The following SNTG1 variants were observed in gnomAD, a reference collection of about 807,000 sequenced individuals.
SNTG1 encodes the protein syntrophin gamma 1, also known as gamma-1-syntrophin.
Under a neutral mutation model 74.7 loss-of-function variants are expected in SNTG1, and 39 were observed. The observed-to-expected ratio is 0.52, with a 90% CI of 0.40 to 0.68. SNTG1 has a LOEUF of 0.68. SNTG1 is among the 30% of genes least tolerant of loss of function. The pLI is 0.00. For missense variants in SNTG1, 685 were observed against 609.5 expected, an observed-to-expected ratio of 1.12 and a Z score of -1.30; for synonymous variants, 254 against 217.1, an observed-to-expected ratio of 1.17 and a Z score of -1.49.
intron 2 of SNTG1, among the ~76,000 whole-genome samples, chr8:50,326,505 A>T (rs2130849038): frequency 6.6e-6 from 1 of 151,906 alleles, no homozygotes; most frequent in African/African-American, 2.4e-5. Flanking sequence ...ATTTTTTGTT[A>T]TTCCTTTAAT....
intron 17 of SNTG1, among the ~76,000 whole-genome samples, chr8:50,719,896 A>G (rs1315882133): frequency 6.6e-6 from 1 of 152,216 alleles, no homozygotes; most frequent in African/African-American, 2.4e-5. Context: ...ATAAATTCTC[A>G]AAGTGAAGAC....
At chr8:50,708,171 A>T in intron 16 of SNTG1, 1 of 183,648 alleles carries the variant, frequency 5.4e-6, no homozygotes, top group Admixed American at 6.1e-5. Context: ...ACTACGCTCT[A>T]GCCTGGGCAA....
intron 2 of SNTG1, among the ~76,000 whole-genome samples, chr8:50,333,077 C>G (rs2091022037): frequency 6.6e-6 from 1 of 152,196 alleles, no homozygotes; most frequent in Non-Finnish European, 1.5e-5. Flanking sequence ...AAATAAAAAA[C>G]TTTTAAAAAG....
At chr8:49,930,848 T>G (rs899555412) in intron 1 of SNTG1, among the ~76,000 whole-genome samples, 1 of 152,140 alleles carries the variant, frequency 6.6e-6, no homozygotes, top group Non-Finnish European at 1.5e-5. Flanking sequence ...GAAAAAATGC[T>G]GCATGAAATA....
chr8:50,377,395 G>A (rs1338896296), intron 2 of SNTG1, among the ~76,000 whole-genome samples: 4 of 152,034 alleles, frequency 2.6e-5, no homozygotes, highest in African/African-American at 4.8e-5. Context: ...TGAAGGAGGA[G>A]AACAATTTTG....
chr8:50,669,746 A>G (rs1481697195), intron 15 of SNTG1, among the ~76,000 whole-genome samples: 4 of 152,200 alleles, frequency 2.6e-5, no homozygotes, highest in Non-Finnish European at 4.4e-5. Flanking sequence ...CAAAAAAGAG[A>G]ATTTTAGACT....
chr8:50,151,936 C>A (rs939862121), intron 1 of SNTG1, among the ~76,000 whole-genome samples: 1 of 152,102 alleles, frequency 6.6e-6, no homozygotes, highest in Non-Finnish European at 1.5e-5. Context: ...CAGCTTGGTG[C>A]CGAGCTGAGT....
At chr8:50,263,371 T>C (rs1201176665) in intron 2 of SNTG1, among the ~76,000 whole-genome samples, 1 of 152,060 alleles carries the variant, frequency 6.6e-6, no homozygotes, top group African/African-American at 2.4e-5. Flanking sequence ...CAAACGTAAA[T>C]CTAACCATAT....
chr8:49,960,923 C>A (rs1810624064), intron 1 of SNTG1, among the ~76,000 whole-genome samples: 1 of 152,196 alleles, frequency 6.6e-6, no homozygotes, highest in East Asian at 1.9e-4. Context: ...GTGGAGGACT[C>A]CCTAGGGCCC....
intron 18 of SNTG1, among the ~76,000 whole-genome samples, chr8:50,780,257 G>T (rs900401997): frequency 6.6e-6 from 1 of 152,118 alleles, no homozygotes; most frequent in African/African-American, 2.4e-5. Context: ...TCTATTGGTT[G>T]GAATAGTTTC....
chr8:50,198,031 T>C (rs777125228), intron 2 of SNTG1, among the ~76,000 whole-genome samples: 2 of 152,148 alleles, frequency 1.3e-5, no homozygotes, highest in Non-Finnish European at 2.9e-5. Context: ...CCTACCAATG[T>C]CATTATATTT....
At chr8:50,351,685 A>G (rs2091666811) in intron 2 of SNTG1, among the ~76,000 whole-genome samples, 1 of 152,246 alleles carries the variant, frequency 6.6e-6, no homozygotes, top group Non-Finnish European at 1.5e-5. Context: ...TTACAATTTT[A>G]AAACTGAGGA....
intron 1 of SNTG1, among the ~76,000 whole-genome samples, chr8:50,088,918 A>G (rs1441970297): frequency 1.3e-5 from 2 of 150,488 alleles, no homozygotes; most frequent in Admixed American, 6.7e-5. Context: ...TAAAGTTCAT[A>G]TGGAACCAAA....
chr8:50,042,477 C>A (rs766038480), intron 1 of SNTG1, among the ~76,000 whole-genome samples: 4 of 152,168 alleles, frequency 2.6e-5, no homozygotes, highest in South Asian at 2.1e-4. Context: ...AGGAGGAAAG[C>A]TTTGGCCTAG....
rs34942560 is a variant in SNTG1 at position 50,112,515 on chromosome 8, C to CTTTTTT, written c.-102-60026_-102-60021dup. ...AGCATACACAAGTATTTAGTTCTTT[C>CTTTTTT]TTTTTTTTTTTTTTTTTTTTTTTTT... is the stretch of plus-strand genomic sequence containing the variant. On this transcript the variant is annotated intron_variant, in intron 1 of 18. Transcript: ENST00000642720. Among the ~76,000 whole-genome samples, 218 of 77,574 alleles carry CTTTTTT rather than the reference C, an allele frequency of 2.8e-3. 4 individuals are homozygous for CTTTTTT. The highest frequency in any genetic ancestry group is 4.6e-3 in the South Asian group (8 of 1,750). The allele number at this position is 77,574 out of a possible 152,430, so 50.9% of individuals were successfully genotyped here. A position where few individuals can be genotyped will look rare whatever the true frequency, so the allele number is the denominator to read the frequency against.
rs16914373 is a variant in SNTG1, at chr8:50,172,939, A to T, written c.-28+304A>T. Among the ~76,000 whole-genome samples, 1,239 of 150,606 alleles carry T rather than the reference A, an allele frequency of 8.2e-3. 20 individuals are homozygous for T. The highest frequency in any genetic ancestry group is 0.029 in the African/African-American group (1,193 of 41,016). ...TGTTTCTTTAATAAGCACTATTTATAGGAATGAGAAAAATCATTTAGTTTT... is the reference window on the plus strand; with the variant it reads ...TGTTTCTTTAATAAGCACTATTTATTGGAATGAGAAAAATCATTTAGTTTT... On this transcript the variant is annotated intron_variant, in intron 2 of 18. Transcript: ENST00000642720.
intron 1 of SNTG1, among the ~76,000 whole-genome samples, chr8:49,965,758 A>G (rs955355672): frequency 2.0e-5 from 3 of 152,224 alleles, no homozygotes; most frequent in African/African-American, 4.8e-5. Flanking sequence ...AAAGATATTT[A>G]AAACCAAATG....
In SNTG1 at chr8:50,733,775, T is replaced by C. The variant is rs563673042; in HGVS notation, c.1285-18226T>C. Among the ~76,000 whole-genome samples, 67 of 151,908 alleles carry C rather than the reference T, an allele frequency of 4.4e-4. 1 individual carries two copies. Among genetic ancestry groups the C allele is most frequent in the African/African-American group, 1.6e-3 (67 of 41,478 alleles). On this transcript the variant is annotated intron_variant, in intron 17 of 18. Coordinates refer to ENST00000642720, the MANE Select transcript of SNTG1 (RefSeq NM_018967.5). ...GTCCTTCGTCTATTTTTTAATGGAG[T>C]TTTTTCTTTTCTTTATCAGGTGCTT...
At chr8:50,519,751 G>A (rs555198227) in intron 9 of SNTG1, among the ~76,000 whole-genome samples, 12 of 152,252 alleles carry the variant, frequency 7.9e-5, no homozygotes, top group African/African-American at 2.6e-4. Flanking sequence ...TACAGGGGAA[G>A]TGAAGGACCT....
Sources: gnomAD v4.1 joint callset for allele counts (sites outside exome capture counted in the v4.1 genomes callset) on GRCh38, gnomAD v4.1.1 for gene constraint, MANE v1.5 for transcripts, NCBI Gene and HGNC (gene_info 2026-07-23, HGNC 2026-07-21) for gene names.